Variants in CSGALNACT1 observed in about 807,000 individuals in gnomAD.
The protein encoded by CSGALNACT1 is beta4GalNAcT-1.
CSGALNACT1 carries 52 observed loss-of-function variants against 51.0 expected under a neutral mutation model. That is an observed-to-expected ratio of 1.02 (90% CI 0.82 to 1.29). The LOEUF is 1.29. Among genes scored for constraint, CSGALNACT1 ranks in the 50% most tolerant of loss-of-function variants. The probability of loss-of-function intolerance (pLI) is 0.00; values close to 1 mark genes in which losing one functional copy is unlikely to be tolerated. For missense variants in CSGALNACT1, 935 were observed against 679.2 expected, an observed-to-expected ratio of 1.38 and a Z score of -4.19; for synonymous variants, 341 against 254.4, an observed-to-expected ratio of 1.34 and a Z score of -3.24.
intron 1 of CSGALNACT1, among the ~76,000 whole-genome samples, chr8:19,739,234 T>A (rs963807132): frequency 6.6e-6 from 1 of 151,948 alleles, no homozygotes; most frequent in African/African-American, 2.4e-5. Context: ...AAAGTTACTT[T>A]TAAGTCACAA....
At position 19,505,929 on chromosome 8, in the gene CSGALNACT1, G is replaced by A. The variant is rs1345003278; in HGVS notation, c.-95C>T. 5.3e-6 allele frequency: 8 copies of A among 1,513,864 alleles called. No individual in the cohort carries two copies. Among genetic ancestry groups the A allele is most frequent in the African/African-American group, 2.7e-5 (2 of 73,112 alleles). 93.8% of individuals were successfully genotyped at this position (1,513,864 alleles called of 1,614,324 possible). A position where few individuals can be genotyped will look rare whatever the true frequency, so the allele number is the denominator to read the frequency against. The stretch of plus-strand genomic sequence containing the variant: ...CTGGGCTAGACCACAGGAAGCATGC[G>A]TTTGGGGCCCCCGGAGCTGCTTGCA... On this transcript the variant is annotated 5_prime_UTR_variant, in exon 4 of 10. In the 5' UTR this introduces an upstream ATG that the reference lacks. Coordinates refer to ENST00000454498, the Ensembl canonical transcript of CSGALNACT1.
At chr8:19,420,639 T>G (rs2057773430) in intron 6 of CSGALNACT1, 121 bp from the exon 6 acceptor site, 1 of 1,031,396 alleles carries the variant, frequency 9.7e-7, no homozygotes, top group African/African-American at 1.6e-5. Flanking sequence ...CTGAGGGCAC[T>G]GGGACTCCCC....
chr8:19,452,286 G>T (rs1474279857), intron 5 of CSGALNACT1, among the ~76,000 whole-genome samples: 2 of 152,134 alleles, frequency 1.3e-5, no homozygotes, highest in African/African-American at 4.8e-5. Flanking sequence ...AGAGACCTTG[G>T]CTTCCACCTA....
chr8:19,686,313 A>G (rs976234560), upstream of CSGALNACT1, among the ~76,000 whole-genome samples: 1 of 152,228 alleles, frequency 6.6e-6, no homozygotes, highest in Non-Finnish European at 1.5e-5. Context: ...AGAGGAAAAA[A>G]AACTAGAAGA....
At chr8:19,568,029 G>GA (rs139202831) in intron 3 of CSGALNACT1, among the ~76,000 whole-genome samples, 2 of 151,690 alleles carry the variant, frequency 1.3e-5, no homozygotes, top group South Asian at 2.1e-4. Flanking sequence ...CTCAACAAAT[G>GA]AAAAAAAATC....
At chr8:19,666,789 AAGAAAGAAAGAAAGAAAGAAAGAGAGAG>A (rs1215092661) in intron 1 of CSGALNACT1, among the ~76,000 whole-genome samples, 71 of 21,524 alleles carry the variant, frequency 3.3e-3, no homozygotes, top group African/African-American at 5.7e-3. Context: ...GAAAGAAAGA[AAGAAAGAAAGAAAGAAAGAAAGAGAGAG>A]AGAGAGAGAG....
intron 3 of CSGALNACT1, among the ~76,000 whole-genome samples, chr8:19,545,116 G>T (rs1053042936): frequency 1.3e-5 from 2 of 152,070 alleles, no homozygotes; most frequent in Non-Finnish European, 2.9e-5. Context: ...CACCCTGGAA[G>T]CTAGAAAATA....
chr8:19,632,938 T>C (rs1351648911), intron 1 of CSGALNACT1, among the ~76,000 whole-genome samples: 1 of 150,872 alleles, frequency 6.6e-6, no homozygotes, highest in Non-Finnish European at 1.5e-5. Flanking sequence ...TTTCTTTTTT[T>C]TTTTTTTTTG....
upstream of CSGALNACT1, chr8:19,682,784 G>C (rs1191207253): frequency 4.4e-6 from 2 of 453,856 alleles, no homozygotes; most frequent in East Asian, 7.0e-5. Context: ...TTGAGGTCTG[G>C]TTTTAAGCAG....
intron 3 of CSGALNACT1, among the ~76,000 whole-genome samples, chr8:19,550,136 C>G (rs1372206451): frequency 6.6e-6 from 1 of 152,020 alleles, no homozygotes; most frequent in East Asian, 1.9e-4. Flanking sequence ...CATTCTCTTT[C>G]TGAAACTTTG....
chr8:19,443,109 G>A (rs978521514), intron 5 of CSGALNACT1, among the ~76,000 whole-genome samples: 7 of 152,100 alleles, frequency 4.6e-5, no homozygotes, highest in Non-Finnish European at 1.0e-4. Flanking sequence ...GCTCTGGCCT[G>A]GTCCTGACCT....
intron 1 of CSGALNACT1, among the ~76,000 whole-genome samples, chr8:19,714,865 C>G (rs2062714733): frequency 6.6e-6 from 1 of 151,866 alleles, no homozygotes. Context: ...ATTTCAATAC[C>G]CAGGTAATAA....
At chr8:19,443,030 G>A (rs1026482119) in intron 5 of CSGALNACT1, among the ~76,000 whole-genome samples, 9 of 152,026 alleles carry the variant, frequency 5.9e-5, no homozygotes, top group African/African-American at 9.7e-5. Flanking sequence ...CCCAGGCACC[G>A]AGCACCTCAT....
At chr8:19,585,740 C>A (rs777641337) in intron 3 of CSGALNACT1, among the ~76,000 whole-genome samples, 16 of 152,280 alleles carry the variant, frequency 1.1e-4, no homozygotes, top group Non-Finnish European at 1.9e-4. Context: ...AGAACCCATA[C>A]AAAGAACGTT....
chr8:19,600,994 G>C (rs2050300941), intron 2 of CSGALNACT1, among the ~76,000 whole-genome samples: 1 of 151,556 alleles, frequency 6.6e-6, no homozygotes, highest in South Asian at 2.1e-4. Context: ...AAGACTCTCT[G>C]CTGAAGCTTG....
intron 1 of CSGALNACT1, among the ~76,000 whole-genome samples, chr8:19,748,367 G>C (rs1046302941): frequency 1.3e-5 from 2 of 151,992 alleles, no homozygotes; most frequent in East Asian, 3.9e-4. Flanking sequence ...GTACACAGTA[G>C]GTATTCAAGA....
At chr8:19,542,200 AACACACACACACACAC>A (rs55968136) in intron 3 of CSGALNACT1, among the ~76,000 whole-genome samples, 2 of 143,940 alleles carry the variant, frequency 1.4e-5, no homozygotes, top group African/African-American at 2.6e-5. Flanking sequence ...CAGCACAAGA[AACACACACACACACAC>A]ACACACACAC....
chr8:19,579,429 AC>A, intron 3 of CSGALNACT1, among the ~76,000 whole-genome samples: 1 of 152,268 alleles, frequency 6.6e-6, no homozygotes, highest in Non-Finnish European at 1.5e-5. Context: ...CCAAAGGGGC[AC>A]ATTCTCTAAA....
chr8:19,654,913 A>G (rs2058124303), intron 1 of CSGALNACT1, among the ~76,000 whole-genome samples: 1 of 152,136 alleles, frequency 6.6e-6, no homozygotes, highest in South Asian at 2.1e-4. Context: ...TTAGTAATCA[A>G]GATTTCAAAG....
Sources: gnomAD v4.1 joint callset for allele counts (sites outside exome capture counted in the v4.1 genomes callset) on GRCh38, gnomAD v4.1.1 for gene constraint, MANE v1.5 for transcripts, NCBI Gene and HGNC (gene_info 2026-07-23, HGNC 2026-07-21) for gene names.